The following CNIH4 variants were observed in gnomAD, a reference collection of about 807,000 sequenced individuals.
CNIH4 encodes the protein cornichon family member 4.
A neutral mutation model predicts 21.5 loss-of-function variants in CNIH4; 9 were observed. That is an observed-to-expected ratio of 0.42 (90% CI 0.25 to 0.73). The LOEUF is 0.73. CNIH4 is among the 30% of genes least tolerant of loss of function. The probability of loss-of-function intolerance (pLI) is 0.27; values close to 1 mark genes in which losing one functional copy is unlikely to be tolerated. For synonymous variants in CNIH4, 67 were observed against 59.1 expected, an observed-to-expected ratio of 1.13 and a Z score of -0.61; for missense variants, 159 against 170.0, an observed-to-expected ratio of 0.94 and a Z score of 0.36.
At chr1:224,375,156 T>C (rs943388060) in intron 4 of CNIH4, among the ~76,000 whole-genome samples, 1 of 152,150 alleles carries the variant, frequency 6.6e-6, no homozygotes, top group Non-Finnish European at 1.5e-5. Flanking sequence ...GCTTGGAACT[T>C]GGTAATTGCA....
In CNIH4 at chr1:224,376,087, G is replaced by T. The variant is rs1672773870; in HGVS notation, c.*265G>T. 7.6e-6 allele frequency: 9 copies of T among 1,177,276 alleles called. No individual in the cohort carries two copies. The highest frequency in any genetic ancestry group is 9.5e-6 in the Non-Finnish European group (9 of 950,610). 72.9% of individuals were successfully genotyped at this position (1,177,276 alleles called of 1,614,324 possible). A position where few individuals can be genotyped will look rare whatever the true frequency, so the allele number is the denominator to read the frequency against. The stretch of plus-strand genomic sequence containing the variant: ...CTCTGTATGTTGAAGGTGGTTATTT[G>T]TATGTAGGAACAGGACTGCCATCCC... On this transcript the variant is annotated 3_prime_UTR_variant, in exon 5 of 5. Coordinates refer to ENST00000465271, the MANE Select transcript of CNIH4 (RefSeq NM_014184.4).
Position 224,356,887 on chromosome 1 carries a change from G to A in CNIH4, c.-38G>A, listed in dbSNP as rs902322076. 10 of 1,566,630 alleles carry A rather than the reference G, an allele frequency of 6.4e-6. No individual in the cohort carries two copies. The highest frequency in any genetic ancestry group is 4.6e-5 in the East Asian group (2 of 43,474). ...CAGGGGTGGGTCGGGGCATCCGAGC[G>A]GGTTTGACGGAAGGAGCGGCGGCGA... On this transcript the variant is annotated 5_prime_UTR_variant, in exon 1 of 5. Transcript: ENST00000465271.
chr1:224,357,032 A>T, intron 1 of CNIH4, 39 bp downstream of exon 1: 1 of 1,587,370 alleles, frequency 6.3e-7, no homozygotes, highest in Non-Finnish European at 8.6e-7. Context: ...TTGCCGGGGG[A>T]CACGGCTGAG....
At position 224,371,293 on chromosome 1, in the gene CNIH4, G is replaced by A. The variant is rs1410435248; in HGVS notation, c.262G>A (p.Val88Met). The A allele has an allele frequency of 5.0e-6, 8 of 1,613,566 alleles. No individual in the cohort carries two copies. The highest frequency in any genetic ancestry group is 6.8e-6 in the Non-Finnish European group (8 of 1,179,830). Reference protein sequence around the residue: ...ATWNIYRYIMVPSGNMGVFDP... With the variant: ...ATWNIYRYIMMPSGNMGVFDP... The stretch of plus-strand genomic sequence containing the variant: ...CCTTTAATTTATCAGATACATTATG[G>A]TGCCGAGTGGTAACATGGGAGTGTT... Residue 88 changes from valine (V) to methionine (M), a missense_variant, in exon 4 of 5, where the codon GTG becomes ATG. Coordinates refer to ENST00000465271, the MANE Select transcript of CNIH4 (RefSeq NM_014184.4).
At chr1:224,359,179 G>C (rs1175222675) in intron 1 of CNIH4, among the ~76,000 whole-genome samples, 2 of 152,192 alleles carry the variant, frequency 1.3e-5, no homozygotes, top group Non-Finnish European at 2.9e-5. Context: ...TGGAGGGCTT[G>C]AATGTTAAGG....
intron 3 of CNIH4, among the ~76,000 whole-genome samples, chr1:224,367,693 C>A (rs967101366): frequency 1.3e-5 from 2 of 152,088 alleles, no homozygotes; most frequent in African/African-American, 4.8e-5. Flanking sequence ...CACCACCGCA[C>A]CTGGCCTCTT....
chr1:224,364,119 G>A lies in CNIH4; in HGVS notation c.139-1760G>A, dbSNP rs1272640449. ...TGAAACATATTTCAGGCCAGTTGCA[G>A]TGGCTGACACCTGTCCCCAGTACTT... is the stretch of plus-strand genomic sequence containing the variant. On this transcript the variant is annotated intron_variant, in intron 2 of 4. Coordinates refer to ENST00000465271, the MANE Select transcript of CNIH4 (RefSeq NM_014184.4). 3 of 985,070 alleles carry A rather than the reference G, an allele frequency of 3.0e-6. No homozygotes were observed. In the African/African-American group the frequency reaches 5.2e-5, roughly 17 times the overall value. 61.0% of individuals were successfully genotyped at this position (985,070 alleles called of 1,614,324 possible). A position where few individuals can be genotyped will look rare whatever the true frequency, so the allele number is the denominator to read the frequency against.
At chr1:224,362,684 AG>A (rs1672332963) in intron 2 of CNIH4, among the ~76,000 whole-genome samples, 1 of 150,228 alleles carries the variant, frequency 6.7e-6, no homozygotes, top group African/African-American at 2.4e-5. Flanking sequence ...TAATAGAGAC[AG>A]GGTTTCACCA....
At position 224,379,149 on chromosome 1, in the gene CNIH4, A is replaced by G; in HGVS notation, c.*3327A>G. 2.0e-6 allele frequency: 3 copies of G among 1,536,536 alleles called. No individual in the cohort carries two copies. Among genetic ancestry groups the G allele is most frequent in the African/African-American group, 1.4e-5 (1 of 72,880 alleles). ...CGAAATCCAAGATGCAGCTCAGTTCATCAAAGCCTAGCAGGTCCCCTCAGC... is the reference window on the plus strand; with the variant it reads ...CGAAATCCAAGATGCAGCTCAGTTCGTCAAAGCCTAGCAGGTCCCCTCAGC... On this transcript the variant is annotated 3_prime_UTR_variant, in exon 5 of 5. Coordinates refer to ENST00000465271, the MANE Select transcript of CNIH4 (RefSeq NM_014184.4).
Position 224,373,595 on chromosome 1 carries a change from C to T in CNIH4, c.392+2172C>T, listed in dbSNP as rs529536981. On this transcript the variant is annotated intron_variant, in intron 4 of 4. Coordinates refer to ENST00000465271, the MANE Select transcript of CNIH4 (RefSeq NM_014184.4). ...CTGTAATCCCAGCACTTTGGGAGGC[C>T]GAGGTGGGTGGATCACAAGGTCAGG... Among the ~76,000 whole-genome samples, 13 of 151,044 alleles carry T rather than the reference C, an allele frequency of 8.6e-5. No individual in the cohort carries two copies. The South Asian group carries it at 2.1e-3, about 25-fold the overall frequency.
chr1:224,366,122 A>G (rs1240493330), intron 3 of CNIH4, 131 bp downstream of exon 3: 1 of 653,936 alleles, frequency 1.5e-6, no homozygotes. Context: ...GCTCACTGCA[A>G]TTTCTGCCTC....
At chr1:224,365,136 G>A (rs1672413857) in intron 2 of CNIH4, among the ~76,000 whole-genome samples, 1 of 152,130 alleles carries the variant, frequency 6.6e-6, no homozygotes, top group African/African-American at 2.4e-5. Context: ...CCTCATTTCT[G>A]AAAGTGAGGC....
chr1:224,367,453 A>G (rs1672497210), intron 3 of CNIH4, among the ~76,000 whole-genome samples: 1 of 151,962 alleles, frequency 6.6e-6, no homozygotes, highest in Non-Finnish European at 1.5e-5. Flanking sequence ...TCTTTTCTAG[A>G]GGGTGGGTAC....
intron 1 of CNIH4, among the ~76,000 whole-genome samples, chr1:224,357,987 A>G (rs1173152218): frequency 1.3e-5 from 2 of 152,308 alleles, no homozygotes; most frequent in East Asian, 1.9e-4. Context: ...TGGAAATCAC[A>G]TGTACCTGTT....
At chr1:224,367,418 G>A (rs549165662) in intron 3 of CNIH4, among the ~76,000 whole-genome samples, 1 of 152,210 alleles carries the variant, frequency 6.6e-6, no homozygotes, top group South Asian at 2.1e-4. Flanking sequence ...TCTGAGTGAG[G>A]GAAAAGCTTT....
At chr1:224,363,984 C>T in intron 2 of CNIH4, 1 of 903,974 alleles carries the variant, frequency 1.1e-6, no homozygotes, top group Non-Finnish European at 1.3e-6. Context: ...TGCCAGTGTA[C>T]TGAGAACAAA....
rs1672833746 is a variant in CNIH4, at chr1:224,378,271, T to C, written c.*2449T>C. 6.6e-6 allele frequency: 1 copy of C among 152,262 alleles called. No individual in the cohort carries two copies. The highest frequency in any genetic ancestry group is 1.9e-4 in the East Asian group (1 of 5,174). 9.4% of individuals were successfully genotyped at this position (152,262 alleles called of 1,614,324 possible). ...ATGTTGCCTAGGCTGGTATCAAAAT[T>C]ACTGGCCTCAAGCGATTCTCCTGCC... On this transcript the variant is annotated 3_prime_UTR_variant, in exon 5 of 5. Transcript: ENST00000465271.
chr1:224,371,235 C>G, intron 3 of CNIH4, 48 bp from the exon 4 acceptor site: 1 of 1,566,436 alleles, frequency 6.4e-7, no homozygotes, highest in Non-Finnish European at 8.7e-7. Context: ...AATACTTATG[C>G]CTATGATTTG....
At chr1:224,357,095 C>T in intron 1 of CNIH4, 102 bp downstream of exon 1, 3 of 1,365,996 alleles carry the variant, frequency 2.2e-6, no homozygotes, top group African/African-American at 1.4e-5. Flanking sequence ...AGGCGCCCGG[C>T]GGCGGGCGTG....
Sources: gnomAD v4.1 joint callset for allele counts (sites outside exome capture counted in the v4.1 genomes callset) on GRCh38, gnomAD v4.1.1 for gene constraint, MANE v1.5 for transcripts, NCBI Gene and HGNC (gene_info 2026-07-23, HGNC 2026-07-21) for gene names.